Variants in LRRC42 observed in about 807,000 individuals in gnomAD.
LRRC42 encodes leucine-rich repeat-containing protein 42.
LRRC42 carries 43 observed loss-of-function variants against 44.3 expected under a neutral mutation model. That is an observed-to-expected ratio of 0.97 (90% CI 0.76 to 1.25). LRRC42 has a LOEUF of 1.25. Among genes scored for constraint, LRRC42 ranks in the 50% most tolerant of loss-of-function variants. The pLI is 0.00. For missense variants in LRRC42, 540 were observed against 509.1 expected (o/e 1.06, Z -0.58); for synonymous variants, 207 against 195.2 (o/e 1.06, Z -0.50).
Position 53,958,234 on chromosome 1 carries a change from G to A in LRRC42, c.559G>A (p.Asp187Asn). ...GGATCTTTCCTGTTGCAAGCTTGGA[G>A]ATGAGCATGAACTTCTAGAACATCT... ...CLDLSCCKLG[D>N]EHELLEHLTN... is the part of the protein sequence containing the mutation. Residue 187 changes from aspartate to asparagine, a missense_variant, in exon 4 of 9, where the codon GAT becomes AAT. Coordinates refer to ENST00000371370, the MANE Select transcript of LRRC42 (RefSeq NM_001256409.2). 1 of 1,613,800 alleles carries A rather than the reference G, an allele frequency of 6.2e-7. No homozygotes were observed. The highest frequency in any genetic ancestry group is 8.5e-7 in the Non-Finnish European group (1 of 1,179,838).
At chr1:53,948,776 A>G (rs1654594854) in intron 2 of LRRC42, among the ~76,000 whole-genome samples, 1 of 152,256 alleles carries the variant, frequency 6.6e-6, no homozygotes, top group Non-Finnish European at 1.5e-5. Flanking sequence ...AGTGAGGGAC[A>G]AATGAACCCA....
chr1:53,958,344 G>C, intron 4 of LRRC42, 64 bp downstream of exon 4: 2 of 1,585,256 alleles, frequency 1.3e-6, no homozygotes, highest in Middle Eastern at 3.5e-4. Flanking sequence ...TGATCCAACA[G>C]GATTATCTTC....
intron 3 of LRRC42, among the ~76,000 whole-genome samples, chr1:53,954,320 A>G (rs900422550): frequency 5.3e-5 from 8 of 152,232 alleles, no homozygotes; most frequent in Admixed American, 2.6e-4. Context: ...GGTCTCAGTC[A>G]TGGCTGGACT....
At chr1:53,964,910 T>C (rs1009431196) in intron 7 of LRRC42, among the ~76,000 whole-genome samples, 1 of 151,956 alleles carries the variant, frequency 6.6e-6, no homozygotes, top group African/African-American at 2.4e-5. Flanking sequence ...GGTCTCGAAC[T>C]CCTGGGCGCA....
chr1:53,956,146 G>C (rs1300786808), intron 3 of LRRC42, among the ~76,000 whole-genome samples: 1 of 152,164 alleles, frequency 6.6e-6, no homozygotes, highest in African/African-American at 2.4e-5. Context: ...CAAAAGTAAT[G>C]AGCTTGAAAA....
rs145527845 is a variant in LRRC42 at position 53,946,892 on chromosome 1, C to G, written c.-49+343C>G. On this transcript the variant is annotated intron_variant, in intron 1 of 8. Transcript: ENST00000371370. The stretch of plus-strand genomic sequence containing the variant: ...GGATTTTAGGGGTTCAAGGAGGAAA[C>G]GAGATAGGATAGGAATAGAGAGGGT... 7.1e-3 allele frequency among the ~76,000 whole-genome samples: 918 copies of G among 129,612 alleles called. 11 individuals carry two copies. The highest frequency in any genetic ancestry group is 0.026 in the African/African-American group (870 of 32,964). The allele number at this position is 129,612 out of a possible 152,430, so 85.0% of individuals were successfully genotyped here.
intron 3 of LRRC42, among the ~76,000 whole-genome samples, chr1:53,953,921 C>T (rs1225816708): frequency 6.6e-6 from 1 of 151,876 alleles, no homozygotes; most frequent in Non-Finnish European, 1.5e-5. Flanking sequence ...TTAGTAGATA[C>T]GGGGTTTCAC....
Position 53,952,275 on chromosome 1 carries a change from T to C in LRRC42, c.276T>C (p.Leu92=). ...ACTCCGCCAAATCCCTCTTCAGCCTTGTCCTGGGTTTCATCTCCGACAATG... is the reference window on the plus strand; with the variant it reads ...ACTCCGCCAAATCCCTCTTCAGCCTCGTCCTGGGTTTCATCTCCGACAATG... ...LRYSAKSLFS[L]VLGFISDNVD... is the part of the protein sequence containing the mutation. The change falls in exon 3 of 9, where the codon CTT becomes CTC. Residue 92 remains leucine, a synonymous_variant. Transcript: ENST00000371370. 1 of 1,614,246 alleles carries C rather than the reference T, an allele frequency of 6.2e-7. No homozygotes were observed. Among genetic ancestry groups the C allele is most frequent in the Non-Finnish European group, 8.5e-7 (1 of 1,180,042 alleles).
chr1:53,965,048 C>CAGTCTGGAG (rs1557649699), intron 7 of LRRC42, among the ~76,000 whole-genome samples: 2 of 145,852 alleles, frequency 1.4e-5, no homozygotes, highest in Non-Finnish European at 3.0e-5. Flanking sequence ...CTCTGTCGCC[C>CAGTCTGGAG]AGTCTGGAGT....
intron 1 of LRRC42, among the ~76,000 whole-genome samples, chr1:53,946,970 G>A (rs1010396865): frequency 2.6e-5 from 4 of 151,952 alleles, no homozygotes; most frequent in Non-Finnish European, 5.9e-5. Flanking sequence ...CCAAGTTGGG[G>A]ATAGTGAGGC....
intron 2 of LRRC42, among the ~76,000 whole-genome samples, chr1:53,948,483 G>A (rs1468337523): frequency 6.6e-6 from 1 of 152,150 alleles, no homozygotes; most frequent in Non-Finnish European, 1.5e-5. Flanking sequence ...ACTTTGGCTC[G>A]CTTGTGGTGA....
At chr1:53,948,165 C>T (rs1041922453) in intron 2 of LRRC42, among the ~76,000 whole-genome samples, 12 of 152,178 alleles carry the variant, frequency 7.9e-5, no homozygotes, top group African/African-American at 2.7e-4. Context: ...ACTGCTACAA[C>T]TTGTTATTCT....
chr1:53,949,854 C>A (rs1654624058), intron 2 of LRRC42, among the ~76,000 whole-genome samples: 1 of 152,180 alleles, frequency 6.6e-6, no homozygotes, highest in Non-Finnish European at 1.5e-5. Flanking sequence ...GCAGCTGTTG[C>A]CTGGAAAAGG....
At position 53,958,059 on chromosome 1, in the gene LRRC42, G is replaced by A. The variant is rs1015599771; in HGVS notation, c.474-90G>A. The A allele has an allele frequency of 2.6e-5, 40 of 1,532,482 alleles. No individual in the cohort carries two copies. The African/African-American group carries it at 4.2e-4, about 16-fold the overall frequency. The allele number at this position is 1,532,482 out of a possible 1,614,324, so 94.9% of individuals were successfully genotyped here. ...CCATAGTACTGTGTCCTGATGGGATGGTAGGATATTGACTATGATACAAAT... is the reference window on the plus strand; with the variant it reads ...CCATAGTACTGTGTCCTGATGGGATAGTAGGATATTGACTATGATACAAAT... On this transcript the variant is annotated intron_variant, in intron 3 of 8. Transcript: ENST00000371370.
chr1:53,952,699 A>T (rs1322184346), intron 3 of LRRC42, among the ~76,000 whole-genome samples: 2 of 152,366 alleles, frequency 1.3e-5, no homozygotes, highest in South Asian at 2.1e-4. Flanking sequence ...TAGTTGTCAC[A>T]GCTCCTCCAT....
At chr1:53,963,631 C>T (rs911654994) in intron 7 of LRRC42, among the ~76,000 whole-genome samples, 1 of 152,224 alleles carries the variant, frequency 6.6e-6, no homozygotes, top group African/African-American at 2.4e-5. Flanking sequence ...TTCCTGCCCT[C>T]CGCCCTCAGC....
rs1654698027 is a variant in LRRC42 at position 53,952,006 on chromosome 1, T to TA, written c.8dup (p.Tyr3Ter). The TA allele has an allele frequency of 1.2e-6, 2 of 1,613,086 alleles. No homozygotes were observed. The highest frequency in any genetic ancestry group is 2.2e-5 in the East Asian group (1 of 44,878). Residue 3 changes from tyrosine to a stop codon, truncating the protein, a stop_gained and frameshift_variant, in exon 3 of 9, where the codon TAC becomes TAAC. Transcript: ENST00000371370. LOFTEE classifies it high-confidence loss of function. The part of the protein sequence containing the change: MS[Y>*]YLSSENHLDP... ...TACAGTTGCAACCAAGGCAATGTCTTACTACCTCAGCTCAGAAAACCACCT... is the reference window on the plus strand; with the variant it reads ...TACAGTTGCAACCAAGGCAATGTCTTAACTACCTCAGCTCAGAAAACCACCT...
At position 53,958,208 on chromosome 1, in the gene LRRC42, T is replaced by G. The variant is rs760076998; in HGVS notation, c.533T>G (p.Leu178Arg). 1 of 1,613,818 alleles carries G rather than the reference T, an allele frequency of 6.2e-7. No homozygotes were observed. The highest frequency in any genetic ancestry group is 1.3e-5 in the African/African-American group (1 of 74,934). ...AAGTCTTTCCGGGAGCTGACCTGCC[T>G]GGATCTTTCCTGTTGCAAGCTTGGA... The part of the protein sequence containing the change: ...EIKSFRELTC[L>R]DLSCCKLGDE... The change falls in exon 4 of 9, where the codon CTG becomes CGG. Residue 178 changes from leucine (L) to arginine (R), a missense_variant. Coordinates refer to ENST00000371370, the MANE Select transcript of LRRC42 (RefSeq NM_001256409.2).
chr1:53,954,010 G>C (rs1557645136), intron 3 of LRRC42, among the ~76,000 whole-genome samples: 1 of 152,224 alleles, frequency 6.6e-6, no homozygotes, highest in Non-Finnish European at 1.5e-5. Context: ...TGGGATTACA[G>C]GCATGAGCCC....
Sources: allele counts gnomAD v4.1 joint callset (sites outside exome capture counted in the v4.1 genomes callset), GRCh38; gene constraint gnomAD v4.1.1; transcripts MANE v1.5; gene names NCBI Gene and HGNC (gene_info 2026-07-23, HGNC 2026-07-21).